The following JAZF1 variants were observed in gnomAD, a reference collection of about 807,000 sequenced individuals.
JAZF1 encodes JAZF zinc finger 1.
A neutral mutation model predicts 26.4 loss-of-function variants in JAZF1; 8 were observed. The ratio of observed to expected loss-of-function variants is 0.30; its 90% confidence interval spans 0.18 to 0.55. JAZF1 has a LOEUF of 0.55. Ranked by LOEUF, JAZF1 falls within the 20% of genes least tolerant of loss-of-function variation. The pLI, the probability that JAZF1 is intolerant of heterozygous loss-of-function variation, is 0.94. For synonymous variants in JAZF1, 126 were observed against 122.3 expected, an observed-to-expected ratio of 1.03 and a Z score of -0.20; for missense variants, 199 against 322.0, an observed-to-expected ratio of 0.62 and a Z score of 2.92.
intron 1 of JAZF1, among the ~76,000 whole-genome samples, chr7:28,093,678 C>A (rs1399205113): frequency 2.0e-5 from 3 of 152,220 alleles, no homozygotes; most frequent in Non-Finnish European, 4.4e-5. Context: ...GGCGCGTTCA[C>A]TGGGTTGTTT....
At chr7:28,108,587 G>A (rs1192936262) in intron 1 of JAZF1, among the ~76,000 whole-genome samples, 1 of 152,126 alleles carries the variant, frequency 6.6e-6, no homozygotes, top group Admixed American at 6.6e-5. Context: ...TGAAACCCTT[G>A]TGCACTGTTG....
chr7:27,889,716 G>T (rs1274977891), intron 3 of JAZF1, among the ~76,000 whole-genome samples: 3 of 152,272 alleles, frequency 2.0e-5, no homozygotes, highest in Admixed American at 2.0e-4. Flanking sequence ...AGGATCACTA[G>T]AGGTCAGGAG....
chr7:28,152,751 A>T (rs1319150860), intron 1 of JAZF1, among the ~76,000 whole-genome samples: 1 of 152,254 alleles, frequency 6.6e-6, no homozygotes, highest in Non-Finnish European at 1.5e-5. Context: ...TGAGTTATGC[A>T]GAGGCGAAAT....
At position 28,109,455 on chromosome 7, in the gene JAZF1, G is replaced by A. The variant is rs552557595; in HGVS notation, c.115+71008C>T. Among the ~76,000 whole-genome samples the A allele has an allele frequency of 2.6e-5, 4 of 152,260 alleles. No individual in the cohort carries two copies. In the East Asian group the frequency reaches 7.7e-4, roughly 29 times the overall value. The stretch of plus-strand genomic sequence containing the variant: ...TATTCAGGTAACTGATACGCCGCAT[G>A]CCTACATATTTCATCTGATAACCCA... On this transcript the variant is annotated intron_variant, in intron 1 of 4. Coordinates refer to ENST00000283928, the MANE Select transcript of JAZF1 (RefSeq NM_175061.4).
intron 1 of JAZF1, among the ~76,000 whole-genome samples, chr7:28,141,636 G>A (rs1381482624): frequency 6.6e-6 from 1 of 152,136 alleles, no homozygotes; most frequent in East Asian, 1.9e-4. Flanking sequence ...CTGGTTTTTA[G>A]TACAAATGTT....
At chr7:28,090,496 G>A (rs1184431071) in intron 1 of JAZF1, among the ~76,000 whole-genome samples, 1 of 152,144 alleles carries the variant, frequency 6.6e-6, no homozygotes, top group East Asian at 1.9e-4. Flanking sequence ...CATGCCAAAA[G>A]GAAATTATTT....
chr7:27,899,594 C>T (rs1455647760), intron 2 of JAZF1, among the ~76,000 whole-genome samples: 1 of 151,984 alleles, frequency 6.6e-6, no homozygotes, highest in African/African-American at 2.4e-5. Flanking sequence ...CCCCCCATGC[C>T]CAGGTAATTT....
rs1554289849 is a variant in JAZF1, at chr7:28,121,186, G to GGAAAAAA, written c.115+59276_115+59277insTTTTTTC. Among the ~76,000 whole-genome samples, 7 of 134,154 alleles carry GGAAAAAA rather than the reference G, an allele frequency of 5.2e-5. No homozygotes were observed. The South Asian group carries it at 9.9e-4, about 19-fold the overall frequency. The allele number at this position is 134,154 out of a possible 152,430, so 88.0% of individuals were successfully genotyped here. ...CCGCACAACAGAAGGAGACTGTCTC[G>GGAAAAAA]AAAAAAAAAGAAAAAGAAAAGGAAA... On this transcript the variant is annotated intron_variant, in intron 1 of 4. Coordinates refer to ENST00000283928, the MANE Select transcript of JAZF1 (RefSeq NM_175061.4).
At chr7:28,020,744 C>T (rs1202877641) in intron 1 of JAZF1, 1 of 469,742 alleles carries the variant, frequency 2.1e-6, no homozygotes, top group Non-Finnish European at 4.4e-6. Flanking sequence ...ATGCTAGTGG[C>T]TGAAGCCTCT....
chr7:27,877,532 A>G (rs1001520939), intron 3 of JAZF1, among the ~76,000 whole-genome samples: 3 of 152,158 alleles, frequency 2.0e-5, no homozygotes, highest in African/African-American at 7.2e-5. Flanking sequence ...AATATGGGGA[A>G]GAAATAACTT....
At chr7:28,031,632 A>G (rs1783195128) in intron 1 of JAZF1, among the ~76,000 whole-genome samples, 1 of 152,104 alleles carries the variant, frequency 6.6e-6, no homozygotes, top group South Asian at 2.1e-4. Context: ...AGCAACCTAA[A>G]GCAGGAACAG....
chr7:27,930,568 A>G (rs1784673778), intron 2 of JAZF1, among the ~76,000 whole-genome samples: 3 of 152,206 alleles, frequency 2.0e-5, no homozygotes, highest in African/African-American at 7.2e-5. Flanking sequence ...AGGCAATACA[A>G]CACAAGTATG....
intron 2 of JAZF1, among the ~76,000 whole-genome samples, chr7:27,971,651 G>A (rs1054377524): frequency 3.3e-5 from 5 of 152,138 alleles, no homozygotes; most frequent in Non-Finnish European, 4.4e-5. Flanking sequence ...AATTAACTCC[G>A]AGGTGCCGCA....
chr7:27,898,286 C>CATATATATATATATAT (rs10638646), intron 2 of JAZF1, among the ~76,000 whole-genome samples: 111 of 99,572 alleles, frequency 1.1e-3, no homozygotes, highest in Middle Eastern at 6.4e-3. Context: ...ACGTCTAACT[C>CATATATATATATATAT]ATATATATAT....
intron 3 of JAZF1, among the ~76,000 whole-genome samples, chr7:27,847,337 T>C (rs751069431): frequency 6.6e-6 from 1 of 151,978 alleles, no homozygotes; most frequent in Non-Finnish European, 1.5e-5. Context: ...GAACTTCAGG[T>C]GTGATATCCA....
intron 1 of JAZF1, among the ~76,000 whole-genome samples, chr7:28,065,998 C>T (rs2128383736): frequency 6.6e-6 from 1 of 152,226 alleles, no homozygotes; most frequent in South Asian, 2.1e-4. Context: ...GTTAAATGTT[C>T]ACGAGAGGAC....
chr7:28,139,581 C>T (rs552153240), intron 1 of JAZF1, among the ~76,000 whole-genome samples: 18 of 152,258 alleles, frequency 1.2e-4, no homozygotes, highest in African/African-American at 4.1e-4. Flanking sequence ...TCGACCCTTC[C>T]CTAGCACCTT....
chr7:27,885,714 T>C (rs1280506601), intron 3 of JAZF1, among the ~76,000 whole-genome samples: 1 of 152,078 alleles, frequency 6.6e-6, no homozygotes, highest in African/African-American at 2.4e-5. Context: ...ACTTTAGATA[T>C]AGTGTTTGTA....
chr7:28,059,668 A>G (rs1203613456), intron 1 of JAZF1, among the ~76,000 whole-genome samples: 1 of 152,110 alleles, frequency 6.6e-6, no homozygotes, highest in Non-Finnish European at 1.5e-5. Context: ...TTTCATGAAA[A>G]TATGTTGCTC....
Sources: gnomAD v4.1 joint callset for allele counts (sites outside exome capture counted in the v4.1 genomes callset) on GRCh38, gnomAD v4.1.1 for gene constraint, MANE v1.5 for transcripts, NCBI Gene and HGNC (gene_info 2026-07-23, HGNC 2026-07-21) for gene names.